Variants in PREP observed in about 807,000 individuals in gnomAD.
PREP encodes dJ355L5.1 (prolyl endopeptidase).
In PREP, 29 loss-of-function variants were observed where a neutral mutation model predicts 87.6. The observed-to-expected ratio is 0.33, with a 90% confidence interval of 0.25 to 0.45. The LOEUF (loss-of-function observed/expected upper bound fraction) is 0.45. Ranked by LOEUF, PREP falls within the 20% of genes least tolerant of loss-of-function variation. The probability of loss-of-function intolerance (pLI) is 1.00; values close to 1 mark genes in which losing one functional copy is unlikely to be tolerated. For missense variants in PREP, 695 were observed against 886.5 expected, an observed-to-expected ratio of 0.78 and a Z score of 2.74; for synonymous variants, 337 against 328.6, an observed-to-expected ratio of 1.03 and a Z score of -0.28.
chr6:105,361,970 G>T (rs967980199), intron 6 of PREP, among the ~76,000 whole-genome samples: 2 of 152,122 alleles, frequency 1.3e-5, no homozygotes, highest in African/African-American at 4.8e-5. Flanking sequence ...TGGTACAACA[G>T]CAATAGAAGA....
At position 105,278,180 on chromosome 6, in the gene PREP, G is replaced by T; in HGVS notation, c.2097C>A (p.Phe699Leu). 6.2e-7 allele frequency: 1 copy of T among 1,613,654 alleles called. No individual in the cohort carries two copies. The highest frequency in any genetic ancestry group is 8.5e-7 in the Non-Finnish European group (1 of 1,179,602). Reference protein sequence around the residue: ...VIEEVSDMFAFIARCLNVDWI... With the variant: ...VIEEVSDMFALIARCLNVDWI... ...AGTCGACGTTCAGGCACCGCGCGAT[G>T]AACGCAAACATGTCTGAGACTTCCT... Residue 699 changes from phenylalanine to leucine, a missense_variant, in exon 15 of 15, where the codon TTC (phenylalanine) becomes TTA (leucine). By Grantham distance (22) the Phe-to-Leu change is conservative. This residue lies in a region of PREP where 121 missense variants were observed against 154.8 expected (regional missense o/e 0.78). Coordinates refer to ENST00000652536, the MANE Select transcript of PREP (RefSeq NM_002726.5). The surrounding 1 kb of genome is among the most constrained non-coding windows in gnomAD (Gnocchi z 4.2).
At chr6:105,348,208 A>G (rs1771848581) in intron 7 of PREP, among the ~76,000 whole-genome samples, 2 of 152,224 alleles carry the variant, frequency 1.3e-5, no homozygotes, top group African/African-American at 4.8e-5. Flanking sequence ...GAATGAAAAA[A>G]AGAACCCATC....
intron 2 of PREP, among the ~76,000 whole-genome samples, chr6:105,378,862 T>A (rs1347361686): frequency 6.6e-6 from 1 of 152,180 alleles, no homozygotes; most frequent in Admixed American, 6.5e-5. Flanking sequence ...CTTTTGGATA[T>A]ATCATCAAAC....
intron 7 of PREP, among the ~76,000 whole-genome samples, chr6:105,335,941 T>A (rs55776409): frequency 0.013 from 2,009 of 152,142 alleles, 24 homozygotes; most frequent in South Asian, 0.036. Context: ...TACCTTCCCC[T>A]TAATAAAAAC....
At chr6:105,315,906 G>T (rs1031255701) in intron 10 of PREP, among the ~76,000 whole-genome samples, 1 of 152,218 alleles carries the variant, frequency 6.6e-6, no homozygotes, top group African/African-American at 2.4e-5. Context: ...ACTGAAGAAA[G>T]TTAGGGCTTT....
Position 105,274,285 on chromosome 6 carries a change from G to A in PREP, c.*3859C>T, listed in dbSNP as rs1769891710. 6.6e-6 allele frequency among the ~76,000 whole-genome samples: 1 copy of A among 150,854 alleles called. No homozygotes were observed. The highest frequency in any genetic ancestry group is 1.5e-5 in the Non-Finnish European group (1 of 67,974). The stretch of plus-strand genomic sequence containing the variant: ...CCGTCTCCTGTGTCCTCACATGGTG[G>A]AAGGGATGGGGCGGGGGGGTCTCTC... On this transcript the variant is annotated 3_prime_UTR_variant, in exon 15 of 15. Coordinates refer to ENST00000652536, the MANE Select transcript of PREP (RefSeq NM_002726.5).
intron 9 of PREP, among the ~76,000 whole-genome samples, chr6:105,327,409 T>C (rs1014456425): frequency 6.6e-6 from 1 of 152,224 alleles, no homozygotes; most frequent in African/African-American, 2.4e-5. Context: ...GTGCTTTTCC[T>C]AGCTTCTCTT....
At chr6:105,384,394 G>A (rs576703817) in intron 2 of PREP, among the ~76,000 whole-genome samples, 1 of 152,322 alleles carries the variant, frequency 6.6e-6, no homozygotes, top group East Asian at 1.9e-4. Flanking sequence ...CTGGAACGGT[G>A]ACAGTTATAC....
chr6:105,282,474 C>T lies in PREP; in HGVS notation c.1658G>A (p.Gly553Asp), dbSNP rs753691081. The part of the protein sequence containing the change: ...TSPKRLTING[G>D]SNGGLLVAAC... Reference sequence around the variant, plus strand: ...ACCCACTAAGAGGCCTCCATTTGAACCTCCATTAATAGTCAGCCTCTTGGG... The same window carrying T: ...ACCCACTAAGAGGCCTCCATTTGAATCTCCATTAATAGTCAGCCTCTTGGG... Residue 553 changes from glycine to aspartate, a missense_variant, in exon 13 of 15, where the codon GGT becomes GAT. Physicochemically the swap from Gly to Asp is moderately conservative, Grantham distance 94 (BLOSUM62 -1). Transcript: ENST00000652536. The T allele has an allele frequency of 4.3e-6, 7 of 1,613,962 alleles. No homozygotes were observed. The highest frequency in any genetic ancestry group is 5.9e-6 in the Non-Finnish European group (7 of 1,179,970).
intron 10 of PREP, among the ~76,000 whole-genome samples, chr6:105,305,435 T>C (rs1313615550): frequency 6.6e-6 from 1 of 152,152 alleles, no homozygotes; most frequent in Non-Finnish European, 1.5e-5. Flanking sequence ...AACTGTTCAA[T>C]ACCATTTTTT....
chr6:105,349,898 T>TAA (rs1162063177), intron 7 of PREP, among the ~76,000 whole-genome samples: 5,617 of 59,142 alleles, frequency 0.095, 188 homozygotes, highest in East Asian at 0.14. Flanking sequence ...GGGAAGCAGG[T>TAA]AAAAAAAAAA....
intron 2 of PREP, among the ~76,000 whole-genome samples, chr6:105,382,481 T>C (rs73516044): frequency 0.014 from 2,076 of 152,306 alleles, 52 homozygotes; most frequent in African/African-American, 0.047. Flanking sequence ...ACTGATTGCC[T>C]TAACTTTTCC....
chr6:105,340,051 G>A (rs1296995326), intron 7 of PREP, among the ~76,000 whole-genome samples: 3 of 152,096 alleles, frequency 2.0e-5, no homozygotes, highest in Non-Finnish European at 2.9e-5. Flanking sequence ...ACGCCACAGA[G>A]ATACTCCTCG....
intron 7 of PREP, among the ~76,000 whole-genome samples, chr6:105,335,420 A>T (rs1169870234): frequency 1.3e-5 from 2 of 152,198 alleles, no homozygotes; most frequent in Admixed American, 1.3e-4. Context: ...ATATCTTCAT[A>T]TAATTTGTTA....
intron 10 of PREP, chr6:105,299,020 T>G (rs1296129003): frequency 6.6e-6 from 1 of 152,120 alleles, no homozygotes; most frequent in African/African-American, 2.4e-5. Context: ...CCAATAACAT[T>G]AAGCACCGCA....
chr6:105,394,942 GTTTGGGACA>G (rs143976327), intron 2 of PREP, among the ~76,000 whole-genome samples: 43,696 of 151,716 alleles, frequency 0.29, 7,907 homozygotes, highest in African/African-American at 0.53. Flanking sequence ...AAAAGTGCTT[GTTTGGGACA>G]TTTGGGACAT....
intron 2 of PREP, among the ~76,000 whole-genome samples, chr6:105,380,784 G>T (rs1191242635): frequency 6.6e-6 from 1 of 152,124 alleles, no homozygotes; most frequent in African/African-American, 2.4e-5. Flanking sequence ...CTCTAAGGAG[G>T]GTACCCTGAA....
intron 7 of PREP, among the ~76,000 whole-genome samples, chr6:105,333,931 G>C (rs1207523542): frequency 6.6e-6 from 1 of 152,100 alleles, no homozygotes; most frequent in Non-Finnish European, 1.5e-5. Context: ...AATGTCTGGA[G>C]ACATTTTCGG....
At position 105,377,369 on chromosome 6, in the gene PREP, A is replaced by C. The variant is rs200803136; in HGVS notation, c.254+17T>G. ...TACTTTGAAAATAAAAAGGAAATTCAGTAAAAGCAGTCTCACCGTTTTCCT... is the reference window on the plus strand; with the variant it reads ...TACTTTGAAAATAAAAAGGAAATTCCGTAAAAGCAGTCTCACCGTTTTCCT... On this transcript the variant is annotated intron_variant, in intron 3 of 14. Transcript: ENST00000652536. 1.3e-6 allele frequency: 2 copies of C among 1,579,448 alleles called. No individual in the cohort carries two copies. The highest frequency in any genetic ancestry group is 4.0e-5 in the Admixed American group (2 of 49,966).
Sources: allele counts gnomAD v4.1 joint callset (sites outside exome capture counted in the v4.1 genomes callset), GRCh38; gene constraint gnomAD v4.1.1; regional missense constraint gnomAD v4.1.1; non-coding constraint Gnocchi (gnomAD v3.1); transcripts MANE v1.5; gene names NCBI Gene and HGNC (gene_info 2026-07-23, HGNC 2026-07-21).